Variants in EYS observed in about 807,000 individuals in gnomAD.
The protein encoded by EYS is protein eyes shut homolog.
Under a neutral mutation model 282.1 loss-of-function variants are expected in EYS, and 250 were observed. The observed-to-expected ratio is 0.89, with a 90% CI of 0.80 to 0.98. The LOEUF is 0.98. Ranked by LOEUF, EYS falls within the 50% of genes least tolerant of loss-of-function variation. The pLI, the probability that EYS is intolerant of heterozygous loss-of-function variation, is 0.00. For missense variants in EYS, 4,016 were observed against 3,709.0 expected, an observed-to-expected ratio of 1.08 and a Z score of -2.15; for synonymous variants, 1,355 against 1,282.9, an observed-to-expected ratio of 1.06 and a Z score of -1.20.
In EYS at chr6:63,724,728, G is replaced by A. The variant is rs950809617; in HGVS notation, c.8233+1791C>T. Among the ~76,000 whole-genome samples the A allele has an allele frequency of 5.3e-5, 8 of 152,128 alleles. No homozygotes were observed. The East Asian group carries it at 9.6e-4, about 18-fold the overall frequency. Reference sequence around the variant, plus strand: ...TTTTGTTTTAAATTTTACACTACTTGAGAGTACTCAAATTATTAACCTCTA... The same window carrying A: ...TTTTGTTTTAAATTTTACACTACTTAAGAGTACTCAAATTATTAACCTCTA... On this transcript the variant is annotated intron_variant, in intron 42 of 42. Coordinates refer to ENST00000503581, the MANE Select transcript of EYS (RefSeq NM_001142800.2).
intron 5 of EYS, among the ~76,000 whole-genome samples, chr6:65,468,485 A>G (rs1316676079): frequency 6.6e-6 from 1 of 151,882 alleles, no homozygotes; most frequent in African/African-American, 2.4e-5. Context: ...CTTTAAAGTT[A>G]TTTATTTATT....
rs940530925 is a variant in EYS at position 65,568,824 on chromosome 6, C to T, written c.-333+70954G>A. 5.3e-5 allele frequency among the ~76,000 whole-genome samples: 8 copies of T among 152,188 alleles called. No individual in the cohort carries two copies. In the East Asian group the frequency reaches 9.7e-4, roughly 18 times the overall value. On this transcript the variant is annotated intron_variant, in intron 2 of 42. Coordinates refer to ENST00000503581, the MANE Select transcript of EYS (RefSeq NM_001142800.2). ...AATTGAAGAATTAGAGACAAATGTA[C>T]GTATAAAAAACACTGATGAAACCAC...
chr6:65,074,934 TAA>T (rs1207974012), intron 12 of EYS, among the ~76,000 whole-genome samples: 1 of 152,028 alleles, frequency 6.6e-6, no homozygotes, highest in African/African-American at 2.4e-5. Context: ...GCACATTGTC[TAA>T]GAGTTTCGGT....
At position 65,481,571 on chromosome 6, in the gene EYS, C is replaced by CG. The variant is rs545322471; in HGVS notation, c.862+9022dup. On this transcript the variant is annotated intron_variant, in intron 5 of 42. Transcript: ENST00000503581. Reference sequence around the variant, plus strand: ...TTGTTTTGTTTGTTTTGTTTTGAGACGGAGTCTCGCTCTGTTGCCCAGGCT... The same window carrying CG: ...TTGTTTTGTTTGTTTTGTTTTGAGACGGGAGTCTCGCTCTGTTGCCCAGGCT... Among the ~76,000 whole-genome samples the CG allele has an allele frequency of 1.3e-4, 20 of 152,094 alleles. No individual in the cohort carries two copies. The South Asian group carries it at 4.1e-3, about 32-fold the overall frequency.
intron 12 of EYS, among the ~76,000 whole-genome samples, chr6:65,252,522 G>T (rs570733188): frequency 6.6e-6 from 1 of 152,040 alleles, no homozygotes; most frequent in African/African-American, 2.4e-5. Context: ...ATTTAAATAA[G>T]ATCCAGCGTC....
intron 11 of EYS, among the ~76,000 whole-genome samples, chr6:65,312,935 C>T (rs1769199401): frequency 6.6e-6 from 1 of 152,058 alleles, no homozygotes; most frequent in Admixed American, 6.6e-5. Flanking sequence ...ATTATCACTG[C>T]GTTGTCACTT....
chr6:64,648,671 T>A (rs1439534176), intron 22 of EYS, among the ~76,000 whole-genome samples: 3 of 151,962 alleles, frequency 2.0e-5, no homozygotes, highest in African/African-American at 7.3e-5. Flanking sequence ...CGATTTATAA[T>A]CATCAAAAAG....
chr6:64,277,557 C>T (rs1012481080), intron 30 of EYS, among the ~76,000 whole-genome samples: 1 of 152,002 alleles, frequency 6.6e-6, no homozygotes, highest in Admixed American at 6.6e-5. Context: ...AGGACTGGCC[C>T]TAGTCATTGG....
At chr6:64,136,353 C>T (rs973364869) in intron 31 of EYS, among the ~76,000 whole-genome samples, 52 of 152,040 alleles carry the variant, frequency 3.4e-4, no homozygotes, top group African/African-American at 1.3e-3. Context: ...GAATCAATTT[C>T]TTCTAAACTC....
chr6:65,380,755 G>C (rs1212267680), intron 8 of EYS, among the ~76,000 whole-genome samples: 1 of 151,880 alleles, frequency 6.6e-6, no homozygotes, highest in East Asian at 1.9e-4. Context: ...AATCTACAAG[G>C]AAGTTAAACA....
At chr6:64,366,212 G>A (rs2150411112) in intron 29 of EYS, among the ~76,000 whole-genome samples, 1 of 152,050 alleles carries the variant, frequency 6.6e-6, no homozygotes, top group African/African-American at 2.4e-5. Context: ...AAGTAACAGA[G>A]GTAACATTTT....
chr6:63,981,234 G>T (rs536752476), intron 35 of EYS, among the ~76,000 whole-genome samples: 1 of 151,728 alleles, frequency 6.6e-6, no homozygotes, highest in Admixed American at 6.6e-5. Flanking sequence ...AGTGCTAGCT[G>T]TAGGGTTGGG....
rs1402061911 is a variant in EYS, at chr6:65,119,294, A to G, written c.2024-61567T>C. Among the ~76,000 whole-genome samples, 3 of 152,146 alleles carry G rather than the reference A, an allele frequency of 2.0e-5. No homozygotes were observed. The East Asian group carries it at 5.8e-4, about 29-fold the overall frequency. ...ACCATTATCTTAGAGACATTTGCAA[A>G]AGTTCAAAACTAAACATGTGTAAGT... On this transcript the variant is annotated intron_variant, in intron 12 of 42. Transcript: ENST00000503581.
intron 10 of EYS, among the ~76,000 whole-genome samples, chr6:65,339,318 T>A (rs1303371363): frequency 6.6e-6 from 1 of 151,162 alleles, no homozygotes; most frequent in Non-Finnish European, 1.5e-5. Flanking sequence ...CTTGAACTAA[T>A]AAAAAATGAC....
intron 22 of EYS, among the ~76,000 whole-genome samples, chr6:64,640,681 G>T (rs1411228327): frequency 6.6e-6 from 1 of 151,794 alleles, no homozygotes; most frequent in Non-Finnish European, 1.5e-5. Context: ...TAACTAACCT[G>T]CACATTGTGC....
intron 22 of EYS, among the ~76,000 whole-genome samples, chr6:64,795,322 A>G (rs1174734904): frequency 1.3e-5 from 2 of 148,618 alleles, no homozygotes; most frequent in Admixed American, 1.4e-4. Flanking sequence ...AAAGCAAGCA[A>G]ATATCATTGA....
intron 19 of EYS, among the ~76,000 whole-genome samples, chr6:64,852,204 G>A (rs941214830): frequency 6.6e-6 from 1 of 152,064 alleles, no homozygotes; most frequent in Admixed American, 6.6e-5. Context: ...TTGATTCTGG[G>A]TCTGTCTGTG....
chr6:65,178,377 C>T (rs1765282610), intron 12 of EYS, among the ~76,000 whole-genome samples: 1 of 151,906 alleles, frequency 6.6e-6, no homozygotes, highest in Non-Finnish European at 1.5e-5. Flanking sequence ...GACAGTTGAC[C>T]ATGACAACTT....
chr6:64,978,641 A>G, intron 14 of EYS, among the ~76,000 whole-genome samples: 1 of 151,950 alleles, frequency 6.6e-6, no homozygotes. Flanking sequence ...TGGGATAAAT[A>G]AATAAAAATC....
Sources: allele counts gnomAD v4.1 joint callset (sites outside exome capture counted in the v4.1 genomes callset), GRCh38; gene constraint gnomAD v4.1.1; transcripts MANE v1.5; gene names NCBI Gene and HGNC (gene_info 2026-07-23, HGNC 2026-07-21).